Variants in ADD3 observed in about 807,000 individuals in gnomAD.
ADD3 encodes the protein gamma-adducin.
ADD3 carries 25 observed loss-of-function variants against 80.2 expected under a neutral mutation model. That is an observed-to-expected ratio of 0.31 (90% CI 0.23 to 0.44). The LOEUF (loss-of-function observed/expected upper bound fraction) is 0.44. Ranked by LOEUF, ADD3 falls within the 20% of genes least tolerant of loss-of-function variation. The pLI is 1.00. For missense variants in ADD3, 829 were observed against 847.5 expected (o/e 0.98, Z 0.27); for synonymous variants, 284 against 289.6 (o/e 0.98, Z 0.20).
chr10:110,009,003 C>T (rs184163653), intron 1 of ADD3, among the ~76,000 whole-genome samples: 36 of 152,248 alleles, frequency 2.4e-4, no homozygotes, highest in African/African-American at 8.7e-4. Flanking sequence ...ATAGCTTAGG[C>T]AAGACCACAG....
At chr10:110,074,663 C>T (rs1845180291) in intron 1 of ADD3, among the ~76,000 whole-genome samples, 1 of 151,684 alleles carries the variant, frequency 6.6e-6, no homozygotes, top group Non-Finnish European at 1.5e-5. Flanking sequence ...TGCTAACTTT[C>T]ATAACAATAA....
upstream of ADD3, among the ~76,000 whole-genome samples, chr10:110,002,099 C>T (rs1851497443): frequency 6.6e-6 from 1 of 152,040 alleles, no homozygotes; most frequent in Non-Finnish European, 1.5e-5. Flanking sequence ...TCAAGACCAT[C>T]TGGCCAACAT....
intron 1 of ADD3, among the ~76,000 whole-genome samples, chr10:110,087,382 G>A (rs183960470): frequency 2.0e-5 from 3 of 152,266 alleles, no homozygotes; most frequent in African/African-American, 4.8e-5. Context: ...AATATATTCC[G>A]TAGTATTTTA....
At chr10:110,122,985 TC>T (rs1851706974) in intron 9 of ADD3, among the ~76,000 whole-genome samples, 1 of 152,182 alleles carries the variant, frequency 6.6e-6, no homozygotes. Flanking sequence ...TATTTGTCTT[TC>T]TGTGCCTGGT....
At chr10:110,009,802 G>A (rs1026693915) in intron 1 of ADD3, among the ~76,000 whole-genome samples, 1 of 152,116 alleles carries the variant, frequency 6.6e-6, no homozygotes, top group Non-Finnish European at 1.5e-5. Context: ...AAGAAGAAAC[G>A]GGTGTATCTA....
chr10:110,099,762 G>C (rs1345915929), intron 1 of ADD3, among the ~76,000 whole-genome samples: 3 of 152,310 alleles, frequency 2.0e-5, no homozygotes, highest in African/African-American at 7.2e-5. Context: ...GTATATACAT[G>C]ATACCTTGTT....
chr10:110,052,808 A>G (rs1258427552), intron 1 of ADD3, among the ~76,000 whole-genome samples: 3 of 152,256 alleles, frequency 2.0e-5, no homozygotes, highest in Non-Finnish European at 4.4e-5. Flanking sequence ...CTCAAATGAA[A>G]GGAACTAAGG....
intron 2 of ADD3, among the ~76,000 whole-genome samples, chr10:110,101,585 C>T (rs1028103839): frequency 3.1e-4 from 46 of 150,560 alleles, no homozygotes; most frequent in South Asian, 2.1e-4. Context: ...TGCTGTGAGC[C>T]GTGATCATGC....
chr10:110,100,934 G>A, intron 2 of ADD3, 86 bp downstream of exon 2: 2 of 1,238,466 alleles, frequency 1.6e-6, no homozygotes, highest in Non-Finnish European at 2.2e-6. Context: ...ACTACCCTCA[G>A]GTTAAAAGAG....
At chr10:110,004,227 T>G (rs1484903756), upstream of ADD3, among the ~76,000 whole-genome samples, 1 of 151,384 alleles carries the variant, frequency 6.6e-6, no homozygotes, top group Non-Finnish European at 1.5e-5. Flanking sequence ...TCTCTCCCTG[T>G]AGGAGGCATT....
At chr10:110,038,604 T>C (rs1855935282) in intron 1 of ADD3, among the ~76,000 whole-genome samples, 1 of 152,246 alleles carries the variant, frequency 6.6e-6, no homozygotes, top group Non-Finnish European at 1.5e-5. Flanking sequence ...TTAGCTGCTC[T>C]TTAAAAGCAC....
intron 2 of ADD3, among the ~76,000 whole-genome samples, chr10:110,105,580 G>A (rs1032222304): frequency 1.3e-5 from 2 of 152,178 alleles, no homozygotes; most frequent in Non-Finnish European, 2.9e-5. Context: ...ACCATGGGAA[G>A]CAGTTTAGAC....
intron 1 of ADD3, among the ~76,000 whole-genome samples, chr10:110,083,405 ACTCGGGAGG>A (rs1846311570): frequency 6.6e-6 from 1 of 152,030 alleles, no homozygotes; most frequent in South Asian, 2.1e-4. Flanking sequence ...AGTCCCAGCT[ACTCGGGAGG>A]CTGAGGCAGG....
chr10:110,069,721 T>C (rs1844440062), intron 1 of ADD3, among the ~76,000 whole-genome samples: 1 of 152,218 alleles, frequency 6.6e-6, no homozygotes, highest in South Asian at 2.1e-4. Flanking sequence ...CATGGTGATG[T>C]GGTGTCAGAT....
At chr10:110,036,686 A>T (rs1416525374) in intron 1 of ADD3, among the ~76,000 whole-genome samples, 4 of 151,336 alleles carry the variant, frequency 2.6e-5, no homozygotes, top group African/African-American at 4.9e-5. Flanking sequence ...TTTTTTTTTT[A>T]AATGATCACA....
chr10:110,033,445 C>A (rs542521038), intron 1 of ADD3, among the ~76,000 whole-genome samples: 1 of 152,296 alleles, frequency 6.6e-6, no homozygotes, highest in South Asian at 2.1e-4. Context: ...GTTCTCAGGG[C>A]AGTCCCAGAA....
At chr10:110,118,534 A>G in intron 5 of ADD3, 53 bp from the exon 6 acceptor site, 1 of 1,521,888 alleles carries the variant, frequency 6.6e-7, no homozygotes, top group Non-Finnish European at 9.1e-7. Context: ...CTTGTGAAAC[A>G]CAAACTTTGA....
At chr10:110,073,261 GC>G (rs1844994488) in intron 1 of ADD3, among the ~76,000 whole-genome samples, 2 of 148,136 alleles carry the variant, frequency 1.4e-5, no homozygotes, top group African/African-American at 5.0e-5. Flanking sequence ...TCCTGCCTCA[GC>G]CTCCCGAGTA....
intron 1 of ADD3, among the ~76,000 whole-genome samples, chr10:110,040,135 C>T (rs1856120307): frequency 6.6e-6 from 1 of 152,122 alleles, no homozygotes; most frequent in Admixed American, 6.5e-5. Flanking sequence ...AGGTTGCCTG[C>T]TGCAAATACT....
Sources: gnomAD v4.1 joint callset for allele counts (sites outside exome capture counted in the v4.1 genomes callset) on GRCh38, gnomAD v4.1.1 for gene constraint, MANE v1.5 for transcripts, NCBI Gene and HGNC (gene_info 2026-07-23, HGNC 2026-07-21) for gene names.